The following RBM6 variants were observed in gnomAD, a reference collection of about 807,000 sequenced individuals.
RBM6 encodes the protein RNA binding motif protein 6.
A neutral mutation model predicts 140.4 loss-of-function variants in RBM6; 23 were observed. The ratio of observed to expected loss-of-function variants is 0.16; its 90% CI spans 0.12 to 0.23. The LOEUF is 0.23. Among genes scored for constraint, RBM6 ranks in the 10% least tolerant of loss-of-function variants. The pLI is 1.00. For synonymous variants in RBM6, 439 were observed against 475.6 expected, an observed-to-expected ratio of 0.92 and a Z score of 1.00; for missense variants, 1,139 against 1,386.7, an observed-to-expected ratio of 0.82 and a Z score of 2.84.
At chr3:49,941,407 C>A (rs1355485504) in intron 1 of RBM6, among the ~76,000 whole-genome samples, 1 of 151,824 alleles carries the variant, frequency 6.6e-6, no homozygotes, top group Admixed American at 6.6e-5. Context: ...ACCTGTAATC[C>A]CAGCACTTTG....
chr3:49,992,763 T>A (rs1465136352), intron 5 of RBM6, among the ~76,000 whole-genome samples: 5 of 152,194 alleles, frequency 3.3e-5, no homozygotes, highest in Non-Finnish European at 7.3e-5. Flanking sequence ...AAGATCACAG[T>A]CCCTCATCTG....
intron 6 of RBM6, among the ~76,000 whole-genome samples, chr3:50,034,482 C>T (rs2088389691): frequency 6.6e-6 from 1 of 152,152 alleles, no homozygotes; most frequent in African/African-American, 2.4e-5. Flanking sequence ...ATGGTGGTGG[C>T]CAGGTGCGGT....
intron 6 of RBM6, among the ~76,000 whole-genome samples, chr3:50,016,647 A>G (rs2087163595): frequency 1.3e-5 from 2 of 152,066 alleles, no homozygotes; most frequent in African/African-American, 2.4e-5. Flanking sequence ...CATGCTAACA[A>G]GTATGAGGTG....
intron 6 of RBM6, among the ~76,000 whole-genome samples, chr3:50,004,413 G>T (rs1234080411): frequency 6.9e-6 from 1 of 145,798 alleles, no homozygotes; most frequent in East Asian, 2.1e-4. Context: ...CTCTTGTGCC[G>T]AAGTGATCCT....
chr3:50,053,554 T>A (rs1159915125), intron 7 of RBM6, among the ~76,000 whole-genome samples: 1 of 151,996 alleles, frequency 6.6e-6, no homozygotes, highest in Non-Finnish European at 1.5e-5. Flanking sequence ...AAAAAAGAAT[T>A]AGCCACTGCT....
chr3:50,067,093 A>AGG (rs1335055716), intron 17 of RBM6, among the ~76,000 whole-genome samples: 1 of 148,086 alleles, frequency 6.8e-6, no homozygotes, highest in Non-Finnish European at 1.5e-5. Context: ...AGGTTGAGGC[A>AGG]GGAGAATCGC....
rs749865284 is a variant in RBM6, at chr3:49,967,911, T to G, written c.486T>G (p.Ala162=). 3.7e-6 allele frequency: 6 copies of G among 1,613,902 alleles called. No individual in the cohort carries two copies. Among genetic ancestry groups the G allele is most frequent in the Non-Finnish European group, 5.1e-6 (6 of 1,179,828 alleles). Residue 162 remains alanine, a synonymous_variant, in exon 3 of 21, where the codon GCT becomes GCG. Coordinates refer to ENST00000266022, the MANE Select transcript of RBM6 (RefSeq NM_005777.3). The surrounding 1 kb of genome is among the most constrained non-coding windows in gnomAD (Gnocchi z 4.0). ...HMNYRDRDAH[A]VDFRGRDAPP... is the part of the protein sequence containing the mutation. ...ACTACAGAGACAGGGATGCTCACGCTGTTGACTTCAGAGGTAGGGATGCTC... is the reference window on the plus strand; with the variant it reads ...ACTACAGAGACAGGGATGCTCACGCGGTTGACTTCAGAGGTAGGGATGCTC...
intron 6 of RBM6, among the ~76,000 whole-genome samples, chr3:50,030,235 A>G (rs2088070949): frequency 6.8e-6 from 1 of 146,264 alleles, no homozygotes; most frequent in South Asian, 2.2e-4. Flanking sequence ...GTGAGCCATG[A>G]TCATGCCACT....
chr3:50,059,898 T>C (rs2089868460), intron 11 of RBM6, 152 bp downstream of exon 11: 1 of 569,894 alleles, frequency 1.8e-6, no homozygotes, highest in Non-Finnish European at 3.1e-6. Context: ...TTCTGAAGCC[T>C]GACTTGTCCT....
At chr3:49,969,527 TTTTTC>T (rs1283074807) in intron 3 of RBM6, among the ~76,000 whole-genome samples, 2 of 148,264 alleles carry the variant, frequency 1.3e-5, no homozygotes, top group African/African-American at 2.5e-5. Flanking sequence ...ATATATTTCT[TTTTTC>T]TTTTATTCTT....
At chr3:49,979,919 ATATCTTGAT>A (rs2085227258) in intron 5 of RBM6, among the ~76,000 whole-genome samples, 1 of 152,098 alleles carries the variant, frequency 6.6e-6, no homozygotes, top group Non-Finnish European at 1.5e-5. Context: ...GAATTGTTCT[ATATCTTGAT>A]TGTGGTGATG....
chr3:50,033,825 A>G (rs1234808331), intron 6 of RBM6, among the ~76,000 whole-genome samples: 1 of 152,010 alleles, frequency 6.6e-6, no homozygotes, highest in Non-Finnish European at 1.5e-5. Flanking sequence ...TATTTTTAGT[A>G]GAGATGGGGT....
Position 49,968,042 on chromosome 3 carries a change from G to T in RBM6, c.617G>T (p.Arg206Met). ...RGRDLSDLDF[R>M]AREQSRSDFR... ...AGGGATTTATCAGATTTGGATTTTA[G>T]GGCCAGAGAACAGTCCCGTTCTGAT... The change falls in exon 3 of 21, where the codon AGG becomes ATG. Residue 206 changes from arginine (R) to methionine (M), a missense_variant. Arg to Met is a moderately conservative substitution (Grantham distance 91). Around this residue, in one of 9 missense-constraint regions of RBM6, gnomAD observed 566 missense variants for 612.7 expected, o/e 0.92. Coordinates refer to ENST00000266022, the MANE Select transcript of RBM6 (RefSeq NM_005777.3). The T allele has an allele frequency of 6.2e-7, 1 of 1,614,142 alleles. No individual in the cohort carries two copies. The highest frequency in any genetic ancestry group is 8.5e-7 in the Non-Finnish European group (1 of 1,180,030).
At chr3:50,002,269 T>C (rs2086374467) in intron 6 of RBM6, among the ~76,000 whole-genome samples, 1 of 151,058 alleles carries the variant, frequency 6.6e-6, no homozygotes, top group African/African-American at 2.4e-5. Context: ...TTTTTCTTTT[T>C]TTTTTTTTTT....
rs181101083 is a variant in RBM6, at chr3:50,050,528, C to G, written c.1632+2209C>G. ...CTTTGTGTGCTAGTTTTTGTTTGAA[C>G]AGCTGTTTTCAGTTATTTGGGGGTA... On this transcript the variant is annotated intron_variant, in intron 7 of 20. Transcript: ENST00000266022. 3.3e-4 allele frequency among the ~76,000 whole-genome samples: 50 copies of G among 152,262 alleles called. 1 individual carries two copies. Among genetic ancestry groups the G allele is most frequent in the African/African-American group, 1.0e-3 (43 of 41,552 alleles).
Position 50,057,862 on chromosome 3 carries a change from G to A in RBM6, c.1828G>A (p.Gly610Ser), listed in dbSNP as rs757945067. The A allele has an allele frequency of 2.5e-6, 4 of 1,614,040 alleles. No individual in the cohort carries two copies. In the South Asian group the frequency reaches 3.3e-5, roughly 13 times the overall value. Residue 610 changes from glycine to serine, a missense_variant, in exon 9 of 21, where the codon GGC becomes AGC. Transcript: ENST00000266022. Reference sequence around the variant, plus strand: ...ACCTGAACCCAGGAAGAGGGAAGAAGGCCAAGAGTCACGCTTAGGACATCA... The same window carrying A: ...ACCTGAACCCAGGAAGAGGGAAGAAAGCCAAGAGTCACGCTTAGGACATCA... ...KEPEPRKREE[G>S]QESRLGHQKR... is the part of the protein sequence containing the mutation.
intron 1 of RBM6, among the ~76,000 whole-genome samples, chr3:49,943,394 G>A (rs2083366791): frequency 1.3e-5 from 2 of 151,928 alleles, no homozygotes; most frequent in African/African-American, 2.4e-5. Flanking sequence ...CCTCGAACTC[G>A]AGCTCAAGCA....
chr3:49,944,018 T>G (rs2083389572), intron 1 of RBM6, among the ~76,000 whole-genome samples: 1 of 152,214 alleles, frequency 6.6e-6, no homozygotes, highest in Non-Finnish European at 1.5e-5. Flanking sequence ...TGTTTGTACC[T>G]TTTTACCCAT....
intron 7 of RBM6, 51 bp downstream of exon 7, chr3:50,048,370 T>C: frequency 6.3e-7 from 1 of 1,585,332 alleles, no homozygotes; most frequent in Non-Finnish European, 8.6e-7. Flanking sequence ...GAATAACAGC[T>C]CCTCCATATC....
Sources: allele counts gnomAD v4.1 joint callset (sites outside exome capture counted in the v4.1 genomes callset), GRCh38; gene constraint gnomAD v4.1.1; regional missense constraint gnomAD v4.1.1; non-coding constraint Gnocchi (gnomAD v3.1); transcripts MANE v1.5; gene names NCBI Gene and HGNC (gene_info 2026-07-23, HGNC 2026-07-21).